Variants in SLC9B1 observed in about 807,000 individuals in gnomAD.
SLC9B1 encodes the protein solute carrier family 9 member B1.
Under a neutral mutation model 51.7 loss-of-function variants are expected in SLC9B1, and 32 were observed. The ratio of observed to expected loss-of-function variants is 0.62; its 90% CI spans 0.47 to 0.83. The LOEUF (loss-of-function observed/expected upper bound fraction) is 0.83, where lower values mean the gene tolerates loss of function less well. SLC9B1 is among the 40% of genes least tolerant of loss of function. The pLI, the probability that SLC9B1 is intolerant of heterozygous loss-of-function variation, is 0.00. For missense variants in SLC9B1, 406 were observed against 613.2 expected, an observed-to-expected ratio of 0.66 and a Z score of 3.57; for synonymous variants, 145 against 212.7, an observed-to-expected ratio of 0.68 and a Z score of 2.77.
rs1737288631 is a variant in SLC9B1, at chr4:102,946,745, T to C, written c.427A>G (p.Asn143Asp). Residue 143 changes from asparagine (N) to aspartate (D), a missense_variant, in exon 5 of 12, where the codon AAT becomes GAT. Around this residue, in one of 6 missense-constraint regions of SLC9B1, gnomAD observed 250 missense variants for 394.1 expected, o/e 0.63. Coordinates refer to ENST00000296422, the MANE Select transcript of SLC9B1 (RefSeq NM_139173.4). The part of the protein sequence containing the change: ...GFTIRNVPFI[N>D]EHVHVPNTWS... ...GTGTTAGGAACATGGACATGTTCATTGATGAATGGAACATTCCTAATCGTA... is the reference window on the plus strand; with the variant it reads ...GTGTTAGGAACATGGACATGTTCATCGATGAATGGAACATTCCTAATCGTA... 1 of 1,609,422 alleles carries C rather than the reference T, an allele frequency of 6.2e-7. No individual in the cohort carries two copies. Among genetic ancestry groups the C allele is most frequent in the Non-Finnish European group, 8.5e-7 (1 of 1,178,828 alleles).
At chr4:102,990,938 T>C (rs1739910435) in intron 2 of SLC9B1, among the ~76,000 whole-genome samples, 1 of 152,130 alleles carries the variant, frequency 6.6e-6, no homozygotes. Context: ...AGGCTTTTTC[T>C]GAAAATTCTG....
chr4:102,900,137 T>C (rs1169020258), downstream of SLC9B1, among the ~76,000 whole-genome samples: 1 of 152,226 alleles, frequency 6.6e-6, no homozygotes, highest in Non-Finnish European at 1.5e-5. Flanking sequence ...ATGAAAGTAA[T>C]ATTCAGTCCT....
At position 102,906,663 on chromosome 4, in the gene SLC9B1, C is replaced by T. The variant is rs781548835; in HGVS notation, c.1087-19G>A. 1.5e-6 allele frequency: 2 copies of T among 1,362,064 alleles called. No individual in the cohort carries two copies. The highest frequency in any genetic ancestry group is 2.0e-6 in the Non-Finnish European group (2 of 980,988). The allele number at this position is 1,362,064 out of a possible 1,614,324, so 84.4% of individuals were successfully genotyped here. A position where few individuals can be genotyped will look rare whatever the true frequency, so the allele number is the denominator to read the frequency against. On this transcript the variant is annotated intron_variant, in intron 9 of 11. Transcript: ENST00000296422. Reference sequence around the variant, plus strand: ...CTTTCATCTATAGAAAAGAGAAATACATTTATAATGATTTTGGCACATAAA... The same window carrying T: ...CTTTCATCTATAGAAAAGAGAAATATATTTATAATGATTTTGGCACATAAA...
chr4:102,946,233 T>G (rs574089217), intron 5 of SLC9B1, among the ~76,000 whole-genome samples: 1 of 152,342 alleles, frequency 6.6e-6, no homozygotes, highest in South Asian at 2.1e-4. Flanking sequence ...TCAGTGATAA[T>G]GATGGCTAGA....
At chr4:102,989,752 A>T in intron 3 of SLC9B1, 48 bp downstream of exon 3, 1 of 1,338,062 alleles carries the variant, frequency 7.5e-7, no homozygotes, top group Non-Finnish European at 1.0e-6. Flanking sequence ...AATATTTATC[A>T]AACATATTTC....
chr4:102,916,094 A>G (rs1735564642), intron 7 of SLC9B1, among the ~76,000 whole-genome samples: 1 of 152,188 alleles, frequency 6.6e-6, no homozygotes, highest in Non-Finnish European at 1.5e-5. Flanking sequence ...GCCCCTCCCT[A>G]TCAGTAACTA....
rs56088004 is a variant in SLC9B1 at position 102,955,843 on chromosome 4, GAGAAAGAAAGAA to G, written c.212-6428_212-6417del. ...ACAAAGTGGAAGAAAGAAAGAGAGA[GAGAAAGAAAGAA>G]AGAAAGAAAGAAAGAAAGAAAGAAA... On this transcript the variant is annotated intron_variant, in intron 3 of 11. Coordinates refer to ENST00000296422, the MANE Select transcript of SLC9B1 (RefSeq NM_139173.4). Among the ~76,000 whole-genome samples the G allele has an allele frequency of 8.7e-3, 931 of 106,834 alleles. 13 individuals are homozygous for G. The highest frequency in any genetic ancestry group is 0.029 in the African/African-American group (794 of 27,856). 70.1% of individuals were successfully genotyped at this position (106,834 alleles called of 152,430 possible).
chr4:102,927,747 A>G (rs1314036672), intron 7 of SLC9B1, among the ~76,000 whole-genome samples: 1 of 152,252 alleles, frequency 6.6e-6, no homozygotes, highest in Non-Finnish European at 1.5e-5. Flanking sequence ...AGGATTTTAA[A>G]TCATGCTACT....
chr4:102,917,266 G>A (rs1735622026), intron 7 of SLC9B1, among the ~76,000 whole-genome samples: 1 of 152,058 alleles, frequency 6.6e-6, no homozygotes, highest in African/African-American at 2.4e-5. Flanking sequence ...AATTTGGACT[G>A]AGCCATGTCA....
At chr4:102,898,096 G>T (rs537030299), downstream of SLC9B1, 5 of 493,206 alleles carry the variant, frequency 1.0e-5, no homozygotes, top group South Asian at 5.9e-5. Context: ...TTGGAGATTG[G>T]TTATTTAGAA....
intron 3 of SLC9B1, among the ~76,000 whole-genome samples, chr4:102,964,896 C>T (rs1289757253): frequency 1.3e-5 from 2 of 152,070 alleles, no homozygotes; most frequent in African/African-American, 2.4e-5. Context: ...TCTGTGTTTA[C>T]CACTTCTATT....
At chr4:102,963,447 TTGCATCACCTAG>T in intron 3 of SLC9B1, 1 of 179,920 alleles carries the variant, frequency 5.6e-6, no homozygotes, top group Non-Finnish European at 1.2e-5. Flanking sequence ...AGCAGCATGC[TTGCATCACCTAG>T]TGCATGAGGC....
At chr4:102,887,506 G>C in intron 11 of SLC9B1, 1 of 798,430 alleles carries the variant, frequency 1.3e-6, no homozygotes, top group Non-Finnish European at 2.1e-6. Context: ...ACTACTGGTT[G>C]AACAATTATT....
At chr4:102,981,497 C>G (rs1281461092) in intron 3 of SLC9B1, among the ~76,000 whole-genome samples, 2 of 152,130 alleles carry the variant, frequency 1.3e-5, no homozygotes, top group African/African-American at 2.4e-5. Flanking sequence ...CCTGTTGCTC[C>G]GTACCCTTGC....
intron 1 of SLC9B1, among the ~76,000 whole-genome samples, chr4:103,004,764 G>A (rs1330239260): frequency 1.3e-5 from 2 of 152,154 alleles, no homozygotes; most frequent in African/African-American, 4.8e-5. Context: ...AGCCAGAAAA[G>A]ATTGAGGGGC....
At chr4:102,895,555 T>C (rs1734496011) in intron 11 of SLC9B1, among the ~76,000 whole-genome samples, 1 of 152,134 alleles carries the variant, frequency 6.6e-6, no homozygotes, top group Non-Finnish European at 1.5e-5. Context: ...AACTACCAAA[T>C]TCCATGTATG....
Position 103,007,173 on chromosome 4 carries a change from G to C in SLC9B1, c.-2+12426C>G, listed in dbSNP as rs899567283. 5.3e-5 allele frequency among the ~76,000 whole-genome samples: 8 copies of C among 152,140 alleles called. No individual in the cohort carries two copies. In the East Asian group the frequency reaches 7.7e-4, roughly 15 times the overall value. ...GAAAAGGCATCCAAGTAGGAAGAGAGGAAGTCAAACAATCTCTGTCTGTAG... is the reference window on the plus strand; with the variant it reads ...GAAAAGGCATCCAAGTAGGAAGAGACGAAGTCAAACAATCTCTGTCTGTAG... On this transcript the variant is annotated intron_variant, in intron 1 of 11. Transcript: ENST00000296422.
At chr4:102,898,240 A>G (rs528819606), downstream of SLC9B1, 1 of 512,724 alleles carries the variant, frequency 2.0e-6, no homozygotes, top group Non-Finnish European at 3.9e-6. Flanking sequence ...CCAATTATTT[A>G]AAACTGATCA....
chr4:103,015,013 T>C (rs1741247890), intron 1 of SLC9B1: 1 of 152,186 alleles, frequency 6.6e-6, no homozygotes, highest in South Asian at 2.1e-4. Context: ...TCTATTATTA[T>C]TATTGTTATT....
Sources: gnomAD v4.1 joint callset for allele counts (sites outside exome capture counted in the v4.1 genomes callset) on GRCh38, gnomAD v4.1.1 for gene constraint, gnomAD v4.1.1 regional missense constraint, MANE v1.5 for transcripts, NCBI Gene and HGNC (gene_info 2026-07-23, HGNC 2026-07-21) for gene names.